The following NPY variants were observed in gnomAD, a reference collection of about 807,000 sequenced individuals.
The protein encoded by NPY is neuropeptide Y, also known as pro-neuropeptide Y.
NPY carries 11 observed loss-of-function variants against 13.2 expected under a neutral mutation model. That is an observed-to-expected ratio of 0.83 (90% confidence interval 0.52 to 1.38). The LOEUF (loss-of-function observed/expected upper bound fraction) is 1.38, where lower values mean the gene tolerates loss of function less well. NPY is among the 40% of genes most tolerant of loss of function. NPY has a pLI of 0.00. For missense variants in NPY, 109 were observed against 125.1 expected, an observed-to-expected ratio of 0.87 and a Z score of 0.61; for synonymous variants, 51 against 55.6, an observed-to-expected ratio of 0.92 and a Z score of 0.37.
Position 24,291,858 on chromosome 7 carries a change from C to A in NPY, c.*171C>A. 1 of 643,736 alleles carries A rather than the reference C, an allele frequency of 1.6e-6. No homozygotes were observed. Among genetic ancestry groups the A allele is most frequent in the Non-Finnish European group, 2.6e-6 (1 of 383,096 alleles). The allele number at this position is 643,736 out of a possible 1,614,324, so 39.9% of individuals were successfully genotyped here. ...GTGTTTAAATAAAGTATCATGCATT[C>A]AAAAGTGTATCCTCCTCAATGAAAA... On this transcript the variant is annotated 3_prime_UTR_variant, in exon 4 of 4. Transcript: ENST00000242152.
intron 2 of NPY, among the ~76,000 whole-genome samples, chr7:24,288,408 T>C (rs981688471): frequency 6.6e-6 from 1 of 152,224 alleles, no homozygotes; most frequent in African/African-American, 2.4e-5. Context: ...AATTTAGATA[T>C]AATTTTGCTT....
In NPY at chr7:24,291,734, A is replaced by T. The variant is rs374152888; in HGVS notation, c.*47A>T. ...TGGCCTTTTCCTATTTTCAGCCCATATTTCATCGTGTAAAACGAGAATCCA... is the reference window on the plus strand; with the variant it reads ...TGGCCTTTTCCTATTTTCAGCCCATTTTTCATCGTGTAAAACGAGAATCCA... On this transcript the variant is annotated 3_prime_UTR_variant, in exon 4 of 4. Transcript: ENST00000242152. 13 of 1,611,758 alleles carry T rather than the reference A, an allele frequency of 8.1e-6. No homozygotes were observed. In the African/African-American group the frequency reaches 1.7e-4, roughly 21 times the overall value.
At chr7:24,287,694 G>C (rs190705390) in intron 2 of NPY, among the ~76,000 whole-genome samples, 1 of 152,138 alleles carries the variant, frequency 6.6e-6, no homozygotes, top group Admixed American at 6.5e-5. Flanking sequence ...GGCACTGCTG[G>C]TACCTAGGTG....
intron 2 of NPY, among the ~76,000 whole-genome samples, chr7:24,289,091 T>A (rs932934847): frequency 2.0e-5 from 3 of 152,162 alleles, no homozygotes; most frequent in African/African-American, 7.2e-5. Context: ...TAAACTGCTG[T>A]GTATCATCAG....
At chr7:24,287,907 G>A (rs3779477) in intron 2 of NPY, among the ~76,000 whole-genome samples, 63,444 of 151,982 alleles carry the variant, frequency 0.42, 13,587 homozygotes, top group Middle Eastern at 0.49. Context: ...CTGGGATGGG[G>A]CCTGGGCTTT....
At chr7:24,288,613 G>A (rs974345503) in intron 2 of NPY, among the ~76,000 whole-genome samples, 2 of 151,068 alleles carry the variant, frequency 1.3e-5, no homozygotes, top group Admixed American at 6.6e-5. Flanking sequence ...TCTGGAGTGG[G>A]GAGCATATAC....
intron 2 of NPY, among the ~76,000 whole-genome samples, chr7:24,289,139 A>T (rs2128233362): frequency 6.6e-6 from 1 of 152,288 alleles, no homozygotes; most frequent in Non-Finnish European, 1.5e-5. Context: ...AACATTTACA[A>T]TCATGCTTCC....
intron 3 of NPY, among the ~76,000 whole-genome samples, chr7:24,290,852 G>A (rs186023510): frequency 2.0e-5 from 3 of 150,996 alleles, no homozygotes; most frequent in Admixed American, 1.3e-4. Flanking sequence ...AAAGATCACT[G>A]CAGCCTCGAG....
Position 24,285,255 on chromosome 7 carries a change from G to A in NPY, c.15G>A (p.Lys5=), listed in dbSNP as rs1787317408. The part of the protein sequence containing the change: MLGN[K]RLGLSGLTLA... ...TGTGCCTGCAGATGCTAGGTAACAA[G>A]CGACTGGGGCTGTCCGGACTGACCC... Residue 5 remains lysine (K), a synonymous_variant, in exon 2 of 4, where the codon AAG becomes AAA. Coordinates refer to ENST00000242152, the MANE Select transcript of NPY (RefSeq NM_000905.4). The surrounding 1 kb of genome is among the most constrained non-coding windows in gnomAD (Gnocchi z 4.9). 1 of 1,614,108 alleles carries A rather than the reference G, an allele frequency of 6.2e-7. No individual in the cohort carries two copies.
intron 1 of NPY, 114 bp downstream of exon 1, chr7:24,284,389 C>G (rs572811380): frequency 3.1e-4 from 47 of 152,570 alleles, no homozygotes; most frequent in African/African-American, 1.1e-3. Context: ...TGATCGCGCT[C>G]CACTCCCCAG....
intron 1 of NPY, among the ~76,000 whole-genome samples, chr7:24,284,679 AGCTCTAGAGCCCC>A (rs901416057): frequency 6.6e-6 from 1 of 151,990 alleles, no homozygotes; most frequent in African/African-American, 2.4e-5. Context: ...GAATCCCTGG[AGCTCTAGAGCCCC>A]GCGCCCTGCC....
At chr7:24,287,893 C>A (rs1456536558) in intron 2 of NPY, among the ~76,000 whole-genome samples, 2 of 151,694 alleles carry the variant, frequency 1.3e-5, no homozygotes, top group Non-Finnish European at 2.9e-5. Context: ...TTAAATCAGA[C>A]CCTCTGGGAT....
chr7:24,287,177 G>GA (rs992908270), intron 2 of NPY, among the ~76,000 whole-genome samples: 1 of 151,852 alleles, frequency 6.6e-6, no homozygotes, highest in African/African-American at 2.4e-5. Context: ...TGTTTGATGA[G>GA]AAAAAAACAT....
intron 2 of NPY, among the ~76,000 whole-genome samples, chr7:24,287,890 AG>A (rs1408231242): frequency 1.3e-5 from 2 of 152,242 alleles, no homozygotes; most frequent in African/African-American, 4.8e-5. Flanking sequence ...CAATTAAATC[AG>A]ACCCTCTGGG....
rs374481005 is a variant in NPY at position 24,289,420 on chromosome 7, A to C, written c.189-79A>C. 11 of 957,374 alleles carry C rather than the reference A, an allele frequency of 1.1e-5. No individual in the cohort carries two copies. The African/African-American group carries it at 1.6e-4, about 14-fold the overall frequency. 59.3% of individuals were successfully genotyped at this position (957,374 alleles called of 1,614,324 possible). A position where few individuals can be genotyped will look rare whatever the true frequency, so the allele number is the denominator to read the frequency against. ...AATAATGTTTAGTTTTCATATCCCA[A>C]ATAGGAGACTATCTTCCTTTTTCCT... On this transcript the variant is annotated intron_variant, in intron 2 of 3. Transcript: ENST00000242152.
intron 3 of NPY, among the ~76,000 whole-genome samples, chr7:24,290,348 C>G (rs1398846202): frequency 2.0e-5 from 3 of 152,134 alleles, no homozygotes; most frequent in Non-Finnish European, 4.4e-5. Flanking sequence ...CTGTCTCTAA[C>G]CACAGTAAGA....
At position 24,289,532 on chromosome 7, in the gene NPY, T is replaced by A; in HGVS notation, c.222T>A (p.Ile74=). The A allele has an allele frequency of 6.2e-7, 1 of 1,610,876 alleles. No individual in the cohort carries two copies. Among genetic ancestry groups the A allele is most frequent in the Non-Finnish European group, 8.5e-7 (1 of 1,178,446 alleles). The change falls in exon 3 of 4, where the codon ATT becomes ATA. Residue 74 remains isoleucine, a synonymous_variant. Coordinates refer to ENST00000242152, the MANE Select transcript of NPY (RefSeq NM_000905.4). ...YGKRSSPETL[I]SDLLMRESTE... ...AACGATCCAGCCCAGAGACACTGAT[T>A]TCAGACCTCTTGATGAGAGAAAGCA...
At chr7:24,288,986 G>T (rs1220386999) in intron 2 of NPY, among the ~76,000 whole-genome samples, 6 of 152,090 alleles carry the variant, frequency 3.9e-5, no homozygotes, top group Non-Finnish European at 2.9e-5. Context: ...AGAAAATTGG[G>T]ATTCAAAGAC....
chr7:24,290,978 T>C (rs1395584260), intron 3 of NPY, among the ~76,000 whole-genome samples: 1 of 152,006 alleles, frequency 6.6e-6, no homozygotes, highest in Non-Finnish European at 1.5e-5. Context: ...TGTCTTTCCA[T>C]GTTTCACTGA....
Sources: allele counts gnomAD v4.1 joint callset (sites outside exome capture counted in the v4.1 genomes callset), GRCh38; gene constraint gnomAD v4.1.1; non-coding constraint Gnocchi (gnomAD v3.1); transcripts MANE v1.5; gene names NCBI Gene and HGNC (gene_info 2026-07-23, HGNC 2026-07-21).